The following MED21 variants were observed in gnomAD, a reference collection of about 807,000 sequenced individuals.
MED21 encodes mediator of RNA polymerase II transcription subunit 21.
Under a neutral mutation model 18.2 loss-of-function variants are expected in MED21, and 9 were observed. The observed-to-expected ratio is 0.49, with a 90% CI of 0.30 to 0.86. The LOEUF is 0.86. Among genes scored for constraint, MED21 ranks in the 40% least tolerant of loss-of-function variants. MED21 has a pLI of 0.07. For missense variants in MED21, 150 were observed against 170.9 expected (o/e 0.88, Z 0.68); for synonymous variants, 73 against 60.5 (o/e 1.21, Z -0.96).
At chr12:27,025,554 G>A (rs1941532795) in intron 1 of MED21, among the ~76,000 whole-genome samples, 2 of 152,262 alleles carry the variant, frequency 1.3e-5, no homozygotes, top group South Asian at 4.1e-4. Flanking sequence ...GTGATAGAAG[G>A]AAAAGAGAAA....
At chr12:27,031,023 T>C (rs985542924), downstream of MED21, among the ~76,000 whole-genome samples, 2 of 152,252 alleles carry the variant, frequency 1.3e-5, no homozygotes, top group Non-Finnish European at 2.9e-5. Context: ...TTCTCCTGCC[T>C]CAGCCTCCCG....
chr12:27,028,167 T>C, intron 3 of MED21, 118 bp from the exon 4 acceptor site: 1 of 1,272,720 alleles, frequency 7.9e-7, no homozygotes, highest in Non-Finnish European at 1.0e-6. Context: ...TTTTTAGAAT[T>C]TCTTTACTGA....
At chr12:27,026,329 A>C in intron 1 of MED21, 91 bp from the exon 2 acceptor site, 1 of 719,228 alleles carries the variant, frequency 1.4e-6, no homozygotes, top group Non-Finnish European at 2.4e-6. Context: ...AGAGATTATC[A>C]TTACAGAAAC....
At chr12:27,035,077 T>C (rs1335757021), downstream of MED21, among the ~76,000 whole-genome samples, 1 of 152,160 alleles carries the variant, frequency 6.6e-6, no homozygotes, top group African/African-American at 2.4e-5. Flanking sequence ...TAGCCCGGTT[T>C]GGTAGTGCAT....
chr12:27,035,586 C>A (rs1941644993), downstream of MED21, among the ~76,000 whole-genome samples: 1 of 104,224 alleles, frequency 9.6e-6, no homozygotes, highest in Non-Finnish European at 1.9e-5. Context: ...TATCCCTCCC[C>A]CCTCCCCCCA....
chr12:27,032,278 T>G (rs1592337996), downstream of MED21, among the ~76,000 whole-genome samples: 1 of 152,264 alleles, frequency 6.6e-6, no homozygotes, highest in East Asian at 1.9e-4. Flanking sequence ...AAGGGGTATC[T>G]GAATTTCAAC....
chr12:27,035,834 A>C (rs1941646395), intron 2 of MED21, among the ~76,000 whole-genome samples: 1 of 151,350 alleles, frequency 6.6e-6, no homozygotes, highest in African/African-American at 2.4e-5. Flanking sequence ...AATCCAGTCT[A>C]TCATTGTTGG....
downstream of MED21, among the ~76,000 whole-genome samples, chr12:27,034,606 A>G (rs946333211): frequency 4.0e-5 from 6 of 151,372 alleles, no homozygotes; most frequent in Admixed American, 1.3e-4. Flanking sequence ...TCCACCAGCT[A>G]ATTTTTGTAT....
At position 27,030,255 on chromosome 12, in the gene MED21, C is replaced by T. The variant is rs1352397127; in HGVS notation, c.*1794C>T. ...GGTGATCCTCCCACTTCAGCCTCTT[C>T]AGTAACTGGGACTACAGGCATGTAC... On this transcript the variant is annotated 3_prime_UTR_variant, in exon 4 of 4. Coordinates refer to ENST00000282892, the MANE Select transcript of MED21 (RefSeq NM_004264.5). The T allele has an allele frequency of 3.3e-6, 2 of 598,072 alleles. No homozygotes were observed. Among genetic ancestry groups the T allele is most frequent in the African/African-American group, 1.9e-5 (1 of 53,660 alleles). The allele number at this position is 598,072 out of a possible 1,614,324, so 37.0% of individuals were successfully genotyped here.
At chr12:27,026,272 G>A in intron 1 of MED21, 148 bp from the exon 2 acceptor site, 1 of 522,284 alleles carries the variant, frequency 1.9e-6, no homozygotes, top group Non-Finnish European at 3.3e-6. Context: ...AATAATAACT[G>A]GCTTATTTTA....
In MED21 at chr12:27,030,363, A is replaced by G. The variant is rs1941603896; in HGVS notation, c.*1902A>G. 2.3e-6 allele frequency: 1 copy of G among 432,810 alleles called. No homozygotes were observed. The highest frequency in any genetic ancestry group is 3.3e-5 in the East Asian group (1 of 30,578). The allele number at this position is 432,810 out of a possible 1,614,324, so 26.8% of individuals were successfully genotyped here. A position where few individuals can be genotyped will look rare whatever the true frequency, so the allele number is the denominator to read the frequency against. ...TTGCCCAGGCTAATGCCAAACTGCT[A>G]ACCTCAAGATATTAATACTATACAG... On this transcript the variant is annotated 3_prime_UTR_variant, in exon 4 of 4. Transcript: ENST00000282892.
chr12:27,028,339 G>C lies in MED21; in HGVS notation c.313G>C (p.Glu105Gln), dbSNP rs761976137. The part of the protein sequence containing the change: ...EENHEAATCL[E>Q]DVVYRGDMLL... ...AAACCATGAAGCTGCTACATGTCTG[G>C]AGGATGTTGTTTATCGAGGAGACAT... The change falls in exon 4 of 4, where the codon GAG (glutamate) becomes CAG (glutamine). Residue 105 changes from glutamate to glutamine, a missense_variant. Transcript: ENST00000282892. 1.2e-6 allele frequency: 2 copies of C among 1,614,128 alleles called. No homozygotes were observed. Among genetic ancestry groups the C allele is most frequent in the South Asian group, 1.1e-5 (1 of 91,072 alleles).
In MED21 at chr12:27,030,430, A is replaced by C. The variant is rs1046985684; in HGVS notation, c.*1969A>C. Reference sequence around the variant, plus strand: ...AAGTATTTGTATCATCCCTAGAGCGACACAGATTTTTCCCTAAAAAACTAC... The same window carrying C: ...AAGTATTTGTATCATCCCTAGAGCGCCACAGATTTTTCCCTAAAAAACTAC... On this transcript the variant is annotated 3_prime_UTR_variant, in exon 4 of 4. Transcript: ENST00000282892. 11 of 382,190 alleles carry C rather than the reference A, an allele frequency of 2.9e-5. No individual in the cohort carries two copies. Among genetic ancestry groups the C allele is most frequent in the Non-Finnish European group, 5.1e-5 (11 of 217,036 alleles). The allele number at this position is 382,190 out of a possible 1,614,324, so 23.7% of individuals were successfully genotyped here.
intron 1 of MED21, among the ~76,000 whole-genome samples, chr12:27,024,481 G>A (rs1056372352): frequency 6.6e-6 from 1 of 152,200 alleles, no homozygotes; most frequent in East Asian, 1.9e-4. Context: ...ACCCTGCAGG[G>A]ACTTGCCTGG....
chr12:27,022,751 T>G, intron 1 of MED21, 130 bp downstream of exon 1: 1 of 1,560,530 alleles, frequency 6.4e-7, no homozygotes, highest in South Asian at 1.1e-5. Flanking sequence ...CATAAAGCGC[T>G]CTCTCGGGAG....
intron 2 of MED21, 114 bp downstream of exon 2, chr12:27,026,648 G>A (rs922310727): frequency 2.6e-5 from 20 of 780,392 alleles, no homozygotes; most frequent in Non-Finnish European, 4.2e-5. Flanking sequence ...ATTGTTGTTT[G>A]AGAATATTAC....
chr12:27,026,315 G>T, intron 1 of MED21, 105 bp from the exon 2 acceptor site: 3 of 650,430 alleles, frequency 4.6e-6, no homozygotes, highest in Non-Finnish European at 8.0e-6. Flanking sequence ...TTATTCCCTT[G>T]CTCAGAGATT....
rs111936388 is a variant in MED21, at chr12:27,030,023, A to T, written c.*1562A>T. 30,974 of 424,066 alleles carry T rather than the reference A, an allele frequency of 0.073. 1,503 individuals are homozygous for T. Among genetic ancestry groups the T allele is most frequent in the Non-Finnish European group, 0.096 (22,951 of 239,464 alleles). The allele number at this position is 424,066 out of a possible 1,614,324, so 26.3% of individuals were successfully genotyped here. A position where few individuals can be genotyped will look rare whatever the true frequency, so the allele number is the denominator to read the frequency against. On this transcript the variant is annotated 3_prime_UTR_variant, in exon 4 of 4. Transcript: ENST00000282892. ...ATAAAGAAGGCATAATGTATAGGGT[A>T]AATATAATAGACTTCTCTTGAGGTT...
chr12:27,023,590 C>T (rs1941505510), intron 1 of MED21, among the ~76,000 whole-genome samples: 1 of 152,106 alleles, frequency 6.6e-6, no homozygotes, highest in African/African-American at 2.4e-5. Context: ...AGCCACCGTG[C>T]CCGGCCTACA....
Sources: allele counts gnomAD v4.1 joint callset (sites outside exome capture counted in the v4.1 genomes callset), GRCh38; gene constraint gnomAD v4.1.1; transcripts MANE v1.5; gene names NCBI Gene and HGNC (gene_info 2026-07-23, HGNC 2026-07-21).